NCOA2: variants seen among roughly 807,000 people sequenced by gnomAD.
NCOA2 encodes class E basic helix-loop-helix protein 75.
Under a neutral mutation model 145.1 loss-of-function variants are expected in NCOA2, and 21 were observed. That is an observed-to-expected ratio of 0.14 (90% CI 0.10 to 0.21). NCOA2 has a LOEUF of 0.21. Among genes scored for constraint, NCOA2 ranks in the 10% least tolerant of loss-of-function variants. The pLI, the probability that NCOA2 is intolerant of heterozygous loss-of-function variation, is 1.00. For missense variants in NCOA2, 1,472 were observed against 1,837.6 expected, an observed-to-expected ratio of 0.80 and a Z score of 3.64; for synonymous variants, 619 against 637.5, an observed-to-expected ratio of 0.97 and a Z score of 0.44.
At position 70,112,339 on chromosome 8, in the gene NCOA2, CA is replaced by C; in HGVS notation, c.*1292del. The C allele has an allele frequency of 5.2e-6, 1 of 193,816 alleles. No homozygotes were observed. The highest frequency in any genetic ancestry group is 1.1e-5 in the Non-Finnish European group (1 of 92,770). 12.0% of individuals were successfully genotyped at this position (193,816 alleles called of 1,614,324 possible). ...TCAATTCCACAATATGTATACCTCA[CA>C]AAAATTATACAATTAAAACACATAA... On this transcript the variant is annotated 3_prime_UTR_variant, in exon 23 of 23. Coordinates refer to ENST00000452400, the MANE Select transcript of NCOA2 (RefSeq NM_006540.4).
At chr8:70,404,663 G>A (rs1275867501), upstream of NCOA2, among the ~76,000 whole-genome samples, 1 of 152,224 alleles carries the variant, frequency 6.6e-6, no homozygotes, top group African/African-American at 2.4e-5. Flanking sequence ...CACACAGAGT[G>A]TGAAACTTAA....
At chr8:70,442,134 A>AGAAAGAAG in the NCOA2 span, among the ~76,000 whole-genome samples, 323 of 125,472 alleles carry the variant, frequency 2.6e-3, no homozygotes, top group African/African-American at 0.012. Context: ...AAAGAAAGAA[A>AGAAAGAAG]GAAAGAAAGA....
chr8:70,229,723 A>G (rs921361055), intron 2 of NCOA2, among the ~76,000 whole-genome samples: 3 of 152,150 alleles, frequency 2.0e-5, no homozygotes, highest in Non-Finnish European at 2.9e-5. Flanking sequence ...TCAAAGGGTC[A>G]CCTGAGAACT....
chr8:70,375,876 G>A (rs1811620090), intron 1 of NCOA2, among the ~76,000 whole-genome samples: 1 of 152,162 alleles, frequency 6.6e-6, no homozygotes, highest in South Asian at 2.1e-4. Context: ...TAGCACTGCT[G>A]AATTAAGCAT....
At chr8:70,405,151 A>C (rs892052635), upstream of NCOA2, among the ~76,000 whole-genome samples, 4 of 152,204 alleles carry the variant, frequency 2.6e-5, no homozygotes, top group Non-Finnish European at 5.9e-5. Context: ...AGAGGATGTG[A>C]GCCCAGTTCT....
upstream of NCOA2, among the ~76,000 whole-genome samples, chr8:70,406,573 A>C (rs1056358266): frequency 6.6e-6 from 1 of 152,204 alleles, no homozygotes; most frequent in African/African-American, 2.4e-5. Flanking sequence ...ATTTAGTGGA[A>C]GTAGAAATAA....
chr8:70,414,213 A>G, the NCOA2 span, among the ~76,000 whole-genome samples: 1 of 152,190 alleles, frequency 6.6e-6, no homozygotes, highest in Non-Finnish European at 1.5e-5. Flanking sequence ...TGATTTACAC[A>G]TGGTCAACTA....
At chr8:70,403,364 G>C (rs1814559636) in intron 1 of NCOA2, among the ~76,000 whole-genome samples, 1 of 151,086 alleles carries the variant, frequency 6.6e-6, no homozygotes, top group Non-Finnish European at 1.5e-5. Flanking sequence ...TGCAGCCTCC[G>C]CCCGCCTCGC....
chr8:70,432,647 A>G, the NCOA2 span, among the ~76,000 whole-genome samples: 1 of 152,216 alleles, frequency 6.6e-6, no homozygotes, highest in Non-Finnish European at 1.5e-5. Flanking sequence ...TGGGCAATAC[A>G]GTGACACCTT....
At chr8:70,293,824 C>G (rs1826885572) in intron 2 of NCOA2, among the ~76,000 whole-genome samples, 2 of 152,082 alleles carry the variant, frequency 1.3e-5, no homozygotes, top group African/African-American at 4.8e-5. Flanking sequence ...AAATACTGAC[C>G]TAGCTGTACA....
At chr8:70,193,804 A>G (rs1816960609) in intron 4 of NCOA2, among the ~76,000 whole-genome samples, 1 of 152,190 alleles carries the variant, frequency 6.6e-6, no homozygotes, top group South Asian at 2.1e-4. Context: ...TCTGAGAACC[A>G]CTTCGGGCCT....
intron 4 of NCOA2, among the ~76,000 whole-genome samples, chr8:70,182,440 A>G (rs116695993): frequency 0.012 from 1,819 of 152,350 alleles, 49 homozygotes; most frequent in African/African-American, 0.042. Context: ...AACAAAAATC[A>G]TGTCTCAAGT....
intron 1 of NCOA2, among the ~76,000 whole-genome samples, chr8:70,348,041 A>G (rs1314644713): frequency 1.3e-5 from 2 of 152,256 alleles, no homozygotes. Flanking sequence ...GAAAGAGCTG[A>G]GTAAAAAATA....
At chr8:70,446,543 A>T in the NCOA2 span, among the ~76,000 whole-genome samples, 2 of 152,160 alleles carry the variant, frequency 1.3e-5, no homozygotes. Flanking sequence ...TTCCTGGGTC[A>T]TCATTACATA....
chr8:70,139,832 T>C (rs1810178207), intron 14 of NCOA2, among the ~76,000 whole-genome samples: 1 of 151,918 alleles, frequency 6.6e-6, no homozygotes, highest in Admixed American at 6.6e-5. Flanking sequence ...TTTGTATTTT[T>C]AGCAGAGACC....
intron 2 of NCOA2, among the ~76,000 whole-genome samples, chr8:70,281,064 A>G (rs1235117650): frequency 6.6e-6 from 1 of 152,002 alleles, no homozygotes; most frequent in East Asian, 1.9e-4. Flanking sequence ...AAAATTTAGG[A>G]AAAAATAGGC....
At position 70,112,233 on chromosome 8, in the gene NCOA2, ATTGATAT is replaced by A. The variant is rs1460988207; in HGVS notation, c.*1392_*1398del. On this transcript the variant is annotated 3_prime_UTR_variant, in exon 23 of 23. Transcript: ENST00000452400. ...TCTACAAATTAGGTCTAATCAAGGC[ATTGATAT>A]CCTTTACAAAACACCTTTAGGAGAC... The A allele has an allele frequency of 5.0e-6, 1 of 201,884 alleles. No homozygotes were observed. The highest frequency in any genetic ancestry group is 1.0e-5 in the Non-Finnish European group (1 of 97,970). The allele number at this position is 201,884 out of a possible 1,614,324, so 12.5% of individuals were successfully genotyped here.
intron 2 of NCOA2, among the ~76,000 whole-genome samples, chr8:70,265,401 A>G (rs1014089376): frequency 6.6e-6 from 1 of 152,196 alleles, no homozygotes; most frequent in African/African-American, 2.4e-5. Flanking sequence ...CACCTAGTCT[A>G]TGGTATTTTG....
intron 4 of NCOA2, among the ~76,000 whole-genome samples, chr8:70,192,559 G>C (rs1816805867): frequency 6.6e-6 from 1 of 152,212 alleles, no homozygotes; most frequent in African/African-American, 2.4e-5. Flanking sequence ...TCATGGCAGT[G>C]GAGGCCTGCA....
Sources: allele counts gnomAD v4.1 joint callset (sites outside exome capture counted in the v4.1 genomes callset), GRCh38; gene constraint gnomAD v4.1.1; transcripts MANE v1.5; gene names NCBI Gene and HGNC (gene_info 2026-07-23, HGNC 2026-07-21).